The following PACRG variants were observed in gnomAD, a reference collection of about 807,000 sequenced individuals.
The protein encoded by PACRG is parkin coregulated gene protein.
PACRG carries 29 observed loss-of-function variants against 29.7 expected under a neutral mutation model. The observed-to-expected ratio is 0.98, with a 90% CI of 0.73 to 1.33. The LOEUF is 1.33. PACRG is among the 40% of genes most tolerant of loss of function. The pLI is 0.00. For missense variants in PACRG, 279 were observed against 316.2 expected (o/e 0.88, Z 0.89); for synonymous variants, 116 against 118.7 (o/e 0.98, Z 0.15).
chr6:163,169,928 C>T (rs1280186842), intron 4 of PACRG, among the ~76,000 whole-genome samples: 1 of 152,146 alleles, frequency 6.6e-6, no homozygotes, highest in Non-Finnish European at 1.5e-5. Context: ...GGCTTGTGGA[C>T]GGCCACTTTC....
chr6:162,891,121 G>A (rs1407466098), intron 2 of PACRG, among the ~76,000 whole-genome samples: 1 of 152,148 alleles, frequency 6.6e-6, no homozygotes, highest in South Asian at 2.1e-4. Flanking sequence ...GGAAGAGCCC[G>A]GCAAGCCTTG....
intron 2 of PACRG, among the ~76,000 whole-genome samples, chr6:162,886,788 G>A (rs548349667): frequency 4.6e-5 from 7 of 152,084 alleles, no homozygotes; most frequent in Non-Finnish European, 1.0e-4. Context: ...TTTTCCTGGA[G>A]GAAAACATGC....
At chr6:162,746,274 T>C (rs1024087097) in intron 1 of PACRG, among the ~76,000 whole-genome samples, 3 of 152,198 alleles carry the variant, frequency 2.0e-5, no homozygotes, top group Non-Finnish European at 2.9e-5. Context: ...AAGGTTATTT[T>C]GCATGATAAA....
chr6:163,250,237 C>T (rs1782849837), intron 4 of PACRG, among the ~76,000 whole-genome samples: 1 of 152,226 alleles, frequency 6.6e-6, no homozygotes, highest in Non-Finnish European at 1.5e-5. Context: ...CCAAAATGTG[C>T]TGTAAGATTG....
intron 4 of PACRG, among the ~76,000 whole-genome samples, chr6:163,230,796 C>G (rs1156902298): frequency 3.1e-5 from 2 of 63,886 alleles, no homozygotes; most frequent in Admixed American, 1.2e-4. Flanking sequence ...AGGGAAAAAC[C>G]CGGAAGGTTA....
intron 1 of PACRG, among the ~76,000 whole-genome samples, chr6:162,775,967 A>G (rs1783611087): frequency 6.6e-6 from 1 of 152,184 alleles, no homozygotes; most frequent in South Asian, 2.1e-4. Context: ...TGGGGCTTGA[A>G]GCTGATATAA....
chr6:162,809,860 T>A (rs1006562037), intron 1 of PACRG, among the ~76,000 whole-genome samples: 10 of 152,166 alleles, frequency 6.6e-5, no homozygotes, highest in African/African-American at 2.4e-4. Context: ...TAAATGGGGC[T>A]TTGGGACTTT....
At chr6:162,909,899 A>G (rs1051780001) in intron 2 of PACRG, among the ~76,000 whole-genome samples, 3 of 152,230 alleles carry the variant, frequency 2.0e-5, no homozygotes, top group African/African-American at 7.2e-5. Flanking sequence ...GTAGATTTGA[A>G]TCGGTTTTAC....
chr6:163,264,612 GC>G (rs1783458213), intron 4 of PACRG, among the ~76,000 whole-genome samples: 1 of 152,222 alleles, frequency 6.6e-6, no homozygotes, highest in Non-Finnish European at 1.5e-5. Context: ...TGGTGGGGCA[GC>G]TGAGGTGAGG....
chr6:163,033,411 T>C (rs1807850407), intron 2 of PACRG, among the ~76,000 whole-genome samples: 1 of 152,362 alleles, frequency 6.6e-6, no homozygotes, highest in South Asian at 2.1e-4. Context: ...GTGTATAACC[T>C]TAAAGCATTT....
In PACRG at chr6:163,116,393, C is replaced by G. The variant is rs550536171; in HGVS notation, c.613+26985C>G. Among the ~76,000 whole-genome samples, 5 of 152,224 alleles carry G rather than the reference C, an allele frequency of 3.3e-5. No individual in the cohort carries two copies. In the East Asian group the frequency reaches 9.7e-4, roughly 30 times the overall value. ...ATCACCTCCCACCAGGCCCCACCTC[C>G]AACACTGGGGACCACAATTCGACGT... On this transcript the variant is annotated intron_variant, in intron 4 of 4. Coordinates refer to ENST00000366888, the MANE Select transcript of PACRG (RefSeq NM_001080379.2).
In PACRG at chr6:163,256,768, G is replaced by A. The variant is rs73601571; in HGVS notation, c.614-58059G>A. Among the ~76,000 whole-genome samples, 496 of 152,302 alleles carry A rather than the reference G, an allele frequency of 3.3e-3. 2 individuals are homozygous for A. Among genetic ancestry groups the A allele is most frequent in the African/African-American group, 0.012 (487 of 41,558 alleles). On this transcript the variant is annotated intron_variant, in intron 4 of 4. Coordinates refer to ENST00000366888, the MANE Select transcript of PACRG (RefSeq NM_001080379.2). ...CACTGACGGTGACCCTGAGTGAGAC[G>A]GGAGGTCCATGTCCTGGGGATGCTG...
chr6:162,996,928 C>T (rs1804120079), intron 2 of PACRG, among the ~76,000 whole-genome samples: 1 of 152,086 alleles, frequency 6.6e-6, no homozygotes, highest in Non-Finnish European at 1.5e-5. Context: ...TGGCATAAGT[C>T]ATGGGTAGTC....
At chr6:163,012,359 T>A (rs183828698) in intron 2 of PACRG, among the ~76,000 whole-genome samples, 7 of 152,320 alleles carry the variant, frequency 4.6e-5, no homozygotes, top group Admixed American at 2.0e-4. Flanking sequence ...TAAGAGCCAA[T>A]GGATCTTGAA....
chr6:163,015,791 A>G (rs976033564), intron 2 of PACRG, among the ~76,000 whole-genome samples: 4 of 152,190 alleles, frequency 2.6e-5, no homozygotes, highest in African/African-American at 7.2e-5. Flanking sequence ...ACAAAGAGCG[A>G]AAGTTTGACT....
At chr6:163,148,345 AT>A (rs1777889431) in intron 4 of PACRG, among the ~76,000 whole-genome samples, 1 of 152,166 alleles carries the variant, frequency 6.6e-6, no homozygotes, top group South Asian at 2.1e-4. Flanking sequence ...TGAATAATTC[AT>A]TTAAATTTGA....
chr6:163,203,131 C>T (rs892838336), intron 4 of PACRG, among the ~76,000 whole-genome samples: 1 of 152,070 alleles, frequency 6.6e-6, no homozygotes, highest in Admixed American at 6.5e-5. Context: ...CCAGGCACGG[C>T]GGCTCACACC....
chr6:162,728,547 G>A (rs1300141456), intron 1 of PACRG, among the ~76,000 whole-genome samples, 156 bp downstream of exon 1: 1 of 152,208 alleles, frequency 6.6e-6, no homozygotes, highest in Non-Finnish European at 1.5e-5. Flanking sequence ...GTGCCCCACA[G>A]TGTGTGGGGG....
At chr6:162,785,184 GA>G (rs1784370548) in intron 1 of PACRG, among the ~76,000 whole-genome samples, 2 of 151,548 alleles carry the variant, frequency 1.3e-5, no homozygotes, top group Non-Finnish European at 2.9e-5. Flanking sequence ...GAGAGAGAGA[GA>G]GAGAGAGAGA....
Sources: gnomAD v4.1 joint callset for allele counts (sites outside exome capture counted in the v4.1 genomes callset) on GRCh38, gnomAD v4.1.1 for gene constraint, MANE v1.5 for transcripts, NCBI Gene and HGNC (gene_info 2026-07-23, HGNC 2026-07-21) for gene names.